Variants in SMYD4 observed in about 807,000 individuals in gnomAD.
The protein encoded by SMYD4 is SET and MYND domain containing 4.
Under a neutral mutation model 72.8 loss-of-function variants are expected in SMYD4, and 68 were observed. The ratio of observed to expected loss-of-function variants is 0.93; its 90% confidence interval spans 0.77 to 1.14. SMYD4 has a LOEUF of 1.14. Among genes scored for constraint, SMYD4 ranks in the 50% most tolerant of loss-of-function variants. The pLI, the probability that SMYD4 is intolerant of heterozygous loss-of-function variation, is 0.00. For missense variants in SMYD4, 984 were observed against 1,003.7 expected, an observed-to-expected ratio of 0.98 and a Z score of 0.27; for synonymous variants, 407 against 388.6, an observed-to-expected ratio of 1.05 and a Z score of -0.56.
intron 2 of SMYD4, 101 bp downstream of exon 2, chr17:1,827,760 C>G: frequency 7.0e-7 from 1 of 1,423,622 alleles, no homozygotes; most frequent in South Asian, 1.5e-5. Context: ...ACAAGCAAGA[C>G]TCAATCTTTA....
intron 2 of SMYD4, among the ~76,000 whole-genome samples, chr17:1,822,733 G>T (rs550982845): frequency 6.6e-6 from 1 of 152,124 alleles, no homozygotes; most frequent in Admixed American, 6.6e-5. Flanking sequence ...CCAACATGCT[G>T]GGATTACAGG....
chr17:1,783,713 A>G (rs900969573), intron 8 of SMYD4: 1 of 608,142 alleles, frequency 1.6e-6, no homozygotes, highest in African/African-American at 1.9e-5. Context: ...TGTATTTTCA[A>G]CATTAACTTC....
chr17:1,827,044 T>C (rs1435676613), intron 2 of SMYD4, among the ~76,000 whole-genome samples: 1 of 151,952 alleles, frequency 6.6e-6, no homozygotes, highest in Non-Finnish European at 1.5e-5. Flanking sequence ...TCCTAGCTAT[T>C]TGGGACGCTG....
rs962395509 is a variant in SMYD4 at position 1,812,015 on chromosome 17, A to T, written c.235T>A (p.Phe79Ile). ...GCTCCTGTGTAATCTTTCTCCTGAA[A>T]TTTTTTGTTTCCTTCTTCTCTGTAG... ...LFYREEGNKKFQEKDYTGAAV... is the reference protein window; with the variant it reads ...LFYREEGNKKIQEKDYTGAAV... The change falls in exon 3 of 11, where the codon TTT becomes ATT. Residue 79 changes from phenylalanine (F) to isoleucine (I), a missense_variant. Transcript: ENST00000305513. 36 of 1,614,028 alleles carry T rather than the reference A, an allele frequency of 2.2e-5. No individual in the cohort carries two copies. The highest frequency in any genetic ancestry group is 2.5e-6 in the Non-Finnish European group (3 of 1,180,032).
chr17:1,783,260 T>C (rs1908467139), intron 9 of SMYD4, 100 bp downstream of exon 9: 1 of 1,610,610 alleles, frequency 6.2e-7, no homozygotes. Flanking sequence ...GCACCCTCAG[T>C]TTACAGAGCG....
chr17:1,808,951 C>T (rs750479295), intron 3 of SMYD4, among the ~76,000 whole-genome samples: 9 of 152,174 alleles, frequency 5.9e-5, no homozygotes, highest in South Asian at 2.1e-4. Flanking sequence ...TAGGTGTGAT[C>T]GTTTTTGGAA....
At chr17:1,802,257 G>A (rs561843059) in intron 4 of SMYD4, among the ~76,000 whole-genome samples, 17 of 152,256 alleles carry the variant, frequency 1.1e-4, no homozygotes, top group Admixed American at 7.2e-4. Context: ...ATGGGAGACC[G>A]AGGTGGGCGG....
intron 4 of SMYD4, 49 bp downstream of exon 4, chr17:1,804,577 A>G: frequency 6.5e-7 from 1 of 1,535,486 alleles, no homozygotes; most frequent in South Asian, 1.1e-5. Flanking sequence ...TCCTCCAGTA[A>G]GAAGCCCTCC....
rs193017383 is a variant in SMYD4, at chr17:1,816,018, A to G, written c.135-3903T>C. ...CCCGGCCTATTTAAACCATTTTTTA[A>G]GCATACAGTTCACTGGCATTACATA... On this transcript the variant is annotated intron_variant, in intron 2 of 10. Transcript: ENST00000305513. Among the ~76,000 whole-genome samples the G allele has an allele frequency of 3.9e-5, 6 of 152,196 alleles. No homozygotes were observed. The South Asian group carries it at 1.0e-3, about 26-fold the overall frequency.
intron 4 of SMYD4, among the ~76,000 whole-genome samples, chr17:1,801,625 GA>G (rs551608562): frequency 0.41 from 36,668 of 89,964 alleles, 6,962 homozygotes; most frequent in African/African-American, 0.64. Flanking sequence ...GGCAGGCTTT[GA>G]AAAAAAAAAA....
chr17:1,794,051 ATG>A (rs1430429888), intron 5 of SMYD4, among the ~76,000 whole-genome samples: 25,284 of 76,818 alleles, frequency 0.33, 6,056 homozygotes, highest in Non-Finnish European at 0.46. Context: ...GTATATATAT[ATG>A]TGTGTATATA....
At chr17:1,793,627 G>GA (rs1909179243) in intron 5 of SMYD4, among the ~76,000 whole-genome samples, 2 of 151,592 alleles carry the variant, frequency 1.3e-5, no homozygotes, top group African/African-American at 4.8e-5. Context: ...AAGGAGAGGG[G>GA]AAAAAAATCT....
chr17:1,799,236 G>A (rs1909574032), intron 5 of SMYD4, among the ~76,000 whole-genome samples: 2 of 151,496 alleles, frequency 1.3e-5, no homozygotes, highest in Non-Finnish European at 1.5e-5. Context: ...CCCAGCCTGG[G>A]GGTGACAGAG....
At chr17:1,794,575 AGATAATT>A (rs1468170217) in intron 5 of SMYD4, among the ~76,000 whole-genome samples, 1 of 152,076 alleles carries the variant, frequency 6.6e-6, no homozygotes, top group African/African-American at 2.4e-5. Context: ...ACCTTTAACT[AGATAATT>A]GATGGTTTAA....
At chr17:1,801,836 C>T (rs1425371149) in intron 4 of SMYD4, among the ~76,000 whole-genome samples, 19 of 151,496 alleles carry the variant, frequency 1.3e-4, no homozygotes, top group Non-Finnish European at 2.5e-4. Context: ...ATTAGCTGGG[C>T]GTGGTGGTGG....
intron 7 of SMYD4, among the ~76,000 whole-genome samples, chr17:1,785,008 C>T (rs1482537264): frequency 2.0e-5 from 3 of 147,450 alleles, no homozygotes; most frequent in Non-Finnish European, 3.0e-5. Context: ...AGGATGGTCT[C>T]GATTTTCTGA....
intron 5 of SMYD4, among the ~76,000 whole-genome samples, chr17:1,788,430 G>C (rs1908820716): frequency 6.6e-6 from 1 of 151,894 alleles, no homozygotes; most frequent in African/African-American, 2.4e-5. Flanking sequence ...GGTCTTTTCA[G>C]GCCCATAGTT....
In SMYD4 at chr17:1,811,985, C is replaced by A; in HGVS notation, c.265G>T (p.Val89Leu). ...GAGTGTTTTACCTTAGAGTACAGCA[C>A]TGCAGCTCCTGTGTAATCTTTCTCC... Reference protein sequence around the residue: ...FQEKDYTGAAVLYSKGVSHSR... With the variant: ...FQEKDYTGAALLYSKGVSHSR... Residue 89 changes from valine to leucine, a missense_variant, in exon 3 of 11, where the codon GTG becomes TTG. Physicochemically the swap from Val to Leu is conservative, Grantham distance 32. Coordinates refer to ENST00000305513, the MANE Select transcript of SMYD4 (RefSeq NM_052928.3). 2 of 1,614,092 alleles carry A rather than the reference C, an allele frequency of 1.2e-6. No homozygotes were observed. The highest frequency in any genetic ancestry group is 1.7e-6 in the Non-Finnish European group (2 of 1,180,024).
At chr17:1,816,460 A>G (rs2151249417) in intron 2 of SMYD4, among the ~76,000 whole-genome samples, 1 of 151,792 alleles carries the variant, frequency 6.6e-6, no homozygotes, top group African/African-American at 2.4e-5. Context: ...CTCTACCAAA[A>G]ATACAAAAAA....
Sources: gnomAD v4.1 joint callset for allele counts (sites outside exome capture counted in the v4.1 genomes callset) on GRCh38, gnomAD v4.1.1 for gene constraint, MANE v1.5 for transcripts, NCBI Gene and HGNC (gene_info 2026-07-23, HGNC 2026-07-21) for gene names.